CDKAL1: variants seen among roughly 807,000 people sequenced by gnomAD.
CDKAL1 encodes threonylcarbamoyladenosine tRNA methylthiotransferase.
CDKAL1 carries 32 observed loss-of-function variants against 68.2 expected under a neutral mutation model. That is an observed-to-expected ratio of 0.47 (90% CI 0.35 to 0.63). The LOEUF (loss-of-function observed/expected upper bound fraction) is 0.63, where lower values mean the gene tolerates loss of function less well. Among genes scored for constraint, CDKAL1 ranks in the 30% least tolerant of loss-of-function variants. The pLI is 0.00. For synonymous variants in CDKAL1, 234 were observed against 244.3 expected (o/e 0.96, Z 0.39); for missense variants, 606 against 696.7 (o/e 0.87, Z 1.47).
At chr6:20,747,854 T>A (rs2150335003) in intron 6 of CDKAL1, among the ~76,000 whole-genome samples, 1 of 152,330 alleles carries the variant, frequency 6.6e-6, no homozygotes. Context: ...CATTTGTTTA[T>A]TTTTGCTTTT....
At chr6:20,626,362 A>G (rs1000753504) in intron 4 of CDKAL1, among the ~76,000 whole-genome samples, 3 of 152,182 alleles carry the variant, frequency 2.0e-5, no homozygotes, top group Non-Finnish European at 2.9e-5. Context: ...TTCCCAGCAC[A>G]TAGTAGGTAC....
At chr6:20,793,797 A>G (rs953327519) in intron 8 of CDKAL1, among the ~76,000 whole-genome samples, 1 of 147,394 alleles carries the variant, frequency 6.8e-6, no homozygotes, top group Admixed American at 6.8e-5. Context: ...TCTTTCAGAT[A>G]TATATTATAT....
In CDKAL1 at chr6:20,700,793, AG is replaced by A. The variant is rs1379300411; in HGVS notation, c.372-38725del. Among the ~76,000 whole-genome samples the A allele has an allele frequency of 3.3e-5, 5 of 152,278 alleles. No homozygotes were observed. In the East Asian group the frequency reaches 9.7e-4, roughly 29 times the overall value. On this transcript the variant is annotated intron_variant, in intron 5 of 15. Coordinates refer to ENST00000274695, the MANE Select transcript of CDKAL1 (RefSeq NM_017774.3). ...CTTCAGGACCAGATGGAACTAGTGTAGATGCATTTTAAAATCAATTTACATT... is the reference window on the plus strand; with the variant it reads ...CTTCAGGACCAGATGGAACTAGTGTAATGCATTTTAAAATCAATTTACATT...
chr6:20,677,380 T>C (rs1376809435), intron 5 of CDKAL1, among the ~76,000 whole-genome samples: 1 of 151,944 alleles, frequency 6.6e-6, no homozygotes, highest in African/African-American at 2.4e-5. Flanking sequence ...AAATTTGTTT[T>C]GTTTTGTTTG....
intron 5 of CDKAL1, among the ~76,000 whole-genome samples, chr6:20,675,792 T>TA (rs60167989): frequency 0.095 from 13,945 of 147,518 alleles, 2,051 homozygotes; most frequent in African/African-American, 0.32. Flanking sequence ...TTCTACTGAT[T>TA]AAAAAAAAAA....
intron 5 of CDKAL1, among the ~76,000 whole-genome samples, chr6:20,697,645 C>T (rs181269198): frequency 1.8e-4 from 28 of 152,222 alleles, no homozygotes; most frequent in African/African-American, 5.3e-4. Flanking sequence ...GTTTTCATAC[C>T]GTTTCAATTG....
At chr6:20,952,671 C>T (rs758197907) in intron 9 of CDKAL1, among the ~76,000 whole-genome samples, 4 of 152,212 alleles carry the variant, frequency 2.6e-5, no homozygotes, top group Admixed American at 6.5e-5. Context: ...CACTTCTGTC[C>T]GTAAGTCTAG....
chr6:20,933,732 C>CGGG (rs1763575724), intron 9 of CDKAL1, among the ~76,000 whole-genome samples: 1 of 152,174 alleles, frequency 6.6e-6, no homozygotes, highest in Non-Finnish European at 1.5e-5. Context: ...TTTCTTTAAT[C>CGGG]TGAAATCATC....
intron 5 of CDKAL1, among the ~76,000 whole-genome samples, chr6:20,701,972 G>A (rs1771382057): frequency 6.6e-6 from 1 of 152,198 alleles, no homozygotes; most frequent in Non-Finnish European, 1.5e-5. Flanking sequence ...GGGAGAGGCT[G>A]ACAGCAATGG....
chr6:20,872,075 G>C (rs1396397862), intron 9 of CDKAL1, among the ~76,000 whole-genome samples: 1 of 152,070 alleles, frequency 6.6e-6, no homozygotes, highest in Non-Finnish European at 1.5e-5. Context: ...TAGCTGCATA[G>C]TTCTAGATAT....
chr6:21,214,304 A>G (rs887076666), intron 15 of CDKAL1, among the ~76,000 whole-genome samples: 1 of 149,934 alleles, frequency 6.7e-6, no homozygotes, highest in African/African-American at 2.5e-5. Context: ...AAATTGTTCA[A>G]ATGTTATTTT....
chr6:20,684,392 A>G (rs1224457951), intron 5 of CDKAL1, among the ~76,000 whole-genome samples: 1 of 152,242 alleles, frequency 6.6e-6, no homozygotes, highest in Non-Finnish European at 1.5e-5. Context: ...CAGTGAGCCA[A>G]GATCGTGTCA....
chr6:20,838,790 C>T (rs1190335286), intron 8 of CDKAL1, among the ~76,000 whole-genome samples: 12 of 151,934 alleles, frequency 7.9e-5, no homozygotes, highest in Non-Finnish European at 1.8e-4. Context: ...CTGGCTAACA[C>T]GGTGAAACCC....
chr6:20,720,908 A>G (rs1772320424), intron 5 of CDKAL1, among the ~76,000 whole-genome samples: 2 of 152,112 alleles, frequency 1.3e-5, no homozygotes, highest in Non-Finnish European at 2.9e-5. Context: ...AATGACCTCC[A>G]GTTCCATCCA....
At chr6:20,760,113 A>G (rs935471596) in intron 7 of CDKAL1, among the ~76,000 whole-genome samples, 8 of 151,686 alleles carry the variant, frequency 5.3e-5, no homozygotes, top group African/African-American at 1.9e-4. Flanking sequence ...ACTATACCTT[A>G]ATCTTTTTTT....
chr6:20,706,882 G>A (rs1771621091), intron 5 of CDKAL1, among the ~76,000 whole-genome samples: 1 of 145,548 alleles, frequency 6.9e-6, no homozygotes, highest in Admixed American at 6.9e-5. Context: ...TTACCCCAGT[G>A]TACCACCTGG....
At chr6:20,643,340 G>A (rs1561991288) in intron 4 of CDKAL1, among the ~76,000 whole-genome samples, 1 of 152,196 alleles carries the variant, frequency 6.6e-6, no homozygotes, top group Admixed American at 6.5e-5. Context: ...TATTTGCTCT[G>A]ATGACCAGAT....
rs557690141 is a variant in CDKAL1, at chr6:20,877,374, A to G, written c.742+31196A>G. ...ATTTTTAGCCTAATATCTTGAAAGT[A>G]TCCTTGGAGTTTTCAGATCCTCACT... On this transcript the variant is annotated intron_variant, in intron 9 of 15. Coordinates refer to ENST00000274695, the MANE Select transcript of CDKAL1 (RefSeq NM_017774.3). Among the ~76,000 whole-genome samples, 8 of 152,312 alleles carry G rather than the reference A, an allele frequency of 5.3e-5. No homozygotes were observed. The East Asian group carries it at 1.4e-3, about 26-fold the overall frequency.
chr6:20,581,384 G>A (rs1320029691), intron 4 of CDKAL1, among the ~76,000 whole-genome samples: 2 of 152,150 alleles, frequency 1.3e-5, no homozygotes, highest in South Asian at 2.1e-4. Flanking sequence ...TGCTGTAGGG[G>A]CTCCAGAAAT....
Sources: gnomAD v4.1 joint callset for allele counts (sites outside exome capture counted in the v4.1 genomes callset) on GRCh38, gnomAD v4.1.1 for gene constraint, MANE v1.5 for transcripts, NCBI Gene and HGNC (gene_info 2026-07-23, HGNC 2026-07-21) for gene names.